MKLN1: variants seen among roughly 807,000 people sequenced by gnomAD.
MKLN1 encodes muskelin.
A neutral mutation model predicts 99.0 loss-of-function variants in MKLN1; 18 were observed. That is an observed-to-expected ratio of 0.18 (90% CI 0.13 to 0.27). MKLN1 has a LOEUF of 0.27. Ranked by LOEUF, MKLN1 falls within the 10% of genes least tolerant of loss-of-function variation. The pLI is 1.00. For synonymous variants in MKLN1, 288 were observed against 293.2 expected (o/e 0.98, Z 0.18); for missense variants, 621 against 875.9 (o/e 0.71, Z 3.67).
At chr7:131,304,658 G>A (rs189736402) in intron 3 of MKLN1, among the ~76,000 whole-genome samples, 24 of 152,314 alleles carry the variant, frequency 1.6e-4, no homozygotes, top group Non-Finnish European at 3.2e-4. Context: ...AATTTTGAGT[G>A]ATCCTGGTAA....
chr7:131,482,468 A>T (rs539000660), intron 17 of MKLN1, among the ~76,000 whole-genome samples: 3 of 152,322 alleles, frequency 2.0e-5, no homozygotes, highest in African/African-American at 7.2e-5. Flanking sequence ...TACAGTCCAA[A>T]TATAAAGTTT....
intron 3 of MKLN1, among the ~76,000 whole-genome samples, chr7:131,275,263 A>T (rs1797942735): frequency 6.6e-6 from 1 of 151,626 alleles, no homozygotes; most frequent in Non-Finnish European, 1.5e-5. Flanking sequence ...CTCTGAAGGC[A>T]CTAATCTCAT....
At chr7:131,431,315 G>A (rs1399121145) in intron 9 of MKLN1, among the ~76,000 whole-genome samples, 1 of 152,100 alleles carries the variant, frequency 6.6e-6, no homozygotes, top group Non-Finnish European at 1.5e-5. Flanking sequence ...GTTAGCTTCA[G>A]CCTTTGTTTC....
At position 131,250,235 on chromosome 7, in the gene MKLN1, G is replaced by A. The variant is rs372654083; in HGVS notation, c.-179+47261G>A. 1.1e-4 allele frequency among the ~76,000 whole-genome samples: 17 copies of A among 152,294 alleles called. No homozygotes were observed. In the East Asian group the frequency reaches 2.9e-3, roughly 26 times the overall value. On this transcript the variant is annotated intron_variant, in intron 3 of 7. Transcript: ENST00000416992. The stretch of plus-strand genomic sequence containing the variant: ...TGGCTGGGGGGAGATGATGGGAGGA[G>A]AAGGCTTGCTGGAAGGAGATGATGA...
intron 2 of MKLN1, among the ~76,000 whole-genome samples, chr7:131,173,140 A>AACACACAC (rs56672099): frequency 0.041 from 6,188 of 150,072 alleles, 203 homozygotes; most frequent in African/African-American, 0.099. Flanking sequence ...TGTATATACA[A>AACACACAC]ACACACACAC....
At chr7:131,292,814 C>T (rs1179474135) in intron 3 of MKLN1, among the ~76,000 whole-genome samples, 1 of 152,216 alleles carries the variant, frequency 6.6e-6, no homozygotes, top group East Asian at 1.9e-4. Flanking sequence ...ACAGGACTGA[C>T]ACAGTGCACC....
intron 17 of MKLN1, among the ~76,000 whole-genome samples, chr7:131,480,388 C>T (rs1797089483): frequency 6.6e-6 from 1 of 151,982 alleles, no homozygotes; most frequent in African/African-American, 2.4e-5. Context: ...AACTGTACCT[C>T]AAAGAAAAAA....
chr7:131,195,475 C>A (rs1796629339), intron 2 of MKLN1, among the ~76,000 whole-genome samples: 1 of 151,708 alleles, frequency 6.6e-6, no homozygotes, highest in Non-Finnish European at 1.5e-5. Flanking sequence ...CGTGCCACTG[C>A]ACTCCAGCCT....
chr7:131,156,689 G>A (rs942903864), intron 2 of MKLN1, among the ~76,000 whole-genome samples: 1 of 152,162 alleles, frequency 6.6e-6, no homozygotes, highest in Non-Finnish European at 1.5e-5. Context: ...GCTAAGCCGC[G>A]ATGTGCAGTA....
At chr7:131,266,872 C>T (rs78824338) in intron 3 of MKLN1, among the ~76,000 whole-genome samples, 9,723 of 151,708 alleles carry the variant, frequency 0.064, 491 homozygotes, top group African/African-American at 0.14. Context: ...ACTAGAGTGT[C>T]TTGGGGAAAA....
intron 1 of MKLN1, among the ~76,000 whole-genome samples, chr7:131,359,067 CT>C (rs1422155579): frequency 1.3e-5 from 2 of 151,898 alleles, no homozygotes; most frequent in South Asian, 2.1e-4. Flanking sequence ...TTTGTTTATG[CT>C]TCAGTTGCTT....
At chr7:131,137,361 TG>T (rs1443301292) in intron 1 of MKLN1, among the ~76,000 whole-genome samples, 9 of 152,202 alleles carry the variant, frequency 5.9e-5, no homozygotes, top group Admixed American at 3.9e-4. Flanking sequence ...GTACCTATAA[TG>T]GTTTTTTCCA....
chr7:131,111,511 A>T (rs928390077), intron 1 of MKLN1, among the ~76,000 whole-genome samples: 1 of 152,236 alleles, frequency 6.6e-6, no homozygotes, highest in Admixed American at 6.5e-5. Flanking sequence ...AACATTATCA[A>T]ACTGATCCTC....
At chr7:131,335,511 C>T (rs1254787849) in intron 1 of MKLN1, among the ~76,000 whole-genome samples, 1 of 152,038 alleles carries the variant, frequency 6.6e-6, no homozygotes, top group Non-Finnish European at 1.5e-5. Flanking sequence ...CCTAACATAA[C>T]TTATATTTTG....
intron 1 of MKLN1, among the ~76,000 whole-genome samples, chr7:131,350,049 G>A (rs1799674790): frequency 6.6e-6 from 1 of 152,014 alleles, no homozygotes; most frequent in South Asian, 2.1e-4. Flanking sequence ...ACAATGGTCT[G>A]CTATTTGCTA....
At chr7:131,314,378 G>A (rs1320745415) in intron 3 of MKLN1, among the ~76,000 whole-genome samples, 2 of 152,172 alleles carry the variant, frequency 1.3e-5, no homozygotes, top group African/African-American at 4.8e-5. Context: ...ATCTTTTCAT[G>A]TGGTACTGAA....
chr7:131,286,036 C>T (rs1317297787), intron 3 of MKLN1, among the ~76,000 whole-genome samples: 2 of 151,004 alleles, frequency 1.3e-5, no homozygotes, highest in African/African-American at 2.4e-5. Flanking sequence ...CTGCAACCTT[C>T]GTCTCCCGGG....
chr7:131,250,688 G>A (rs542487174), intron 3 of MKLN1, among the ~76,000 whole-genome samples: 7 of 152,176 alleles, frequency 4.6e-5, no homozygotes, highest in African/African-American at 1.7e-4. Flanking sequence ...GGGTTGTATC[G>A]TCATAATTCT....
chr7:131,206,519 TG>T (rs1192765502), intron 3 of MKLN1, among the ~76,000 whole-genome samples: 3 of 142,056 alleles, frequency 2.1e-5, no homozygotes, highest in African/African-American at 7.8e-5. Flanking sequence ...TTAATATACC[TG>T]TATGTATGTG....
Sources: allele counts gnomAD v4.1 joint callset (sites outside exome capture counted in the v4.1 genomes callset), GRCh38; gene constraint gnomAD v4.1.1; transcripts MANE v1.5; gene names NCBI Gene and HGNC (gene_info 2026-07-23, HGNC 2026-07-21).